The following IGSF5 variants were observed in gnomAD, a reference collection of about 807,000 sequenced individuals.
The protein encoded by IGSF5 is immunoglobulin superfamily 5 like.
A neutral mutation model predicts 39.4 loss-of-function variants in IGSF5; 41 were observed. The observed-to-expected ratio is 1.04, with a 90% confidence interval of 0.81 to 1.35. IGSF5 has a LOEUF of 1.35. Among genes scored for constraint, IGSF5 ranks in the 40% most tolerant of loss-of-function variants. The probability of loss-of-function intolerance (pLI) is 0.00; values close to 1 mark genes in which losing one functional copy is unlikely to be tolerated. For synonymous variants in IGSF5, 183 were observed against 175.3 expected, an observed-to-expected ratio of 1.04 and a Z score of -0.34; for missense variants, 487 against 494.6, an observed-to-expected ratio of 0.98 and a Z score of 0.15.
At chr21:39,746,342 A>G (rs2079974736) in intron 2 of IGSF5, 44 bp downstream of exon 2, 1 of 696,504 alleles carries the variant, frequency 1.4e-6, no homozygotes, top group African/African-American at 1.7e-5. Flanking sequence ...ACGGACCAGA[A>G]GAGTGCAGTT....
At chr21:39,788,468 A>C (rs934066442) in intron 6 of IGSF5, among the ~76,000 whole-genome samples, 1 of 152,218 alleles carries the variant, frequency 6.6e-6, no homozygotes, top group Non-Finnish European at 1.5e-5. Flanking sequence ...TGGCATTTGC[A>C]GCTCTTTCCA....
intron 4 of IGSF5, among the ~76,000 whole-genome samples, chr21:39,775,280 T>C (rs1162153749): frequency 6.6e-6 from 1 of 152,170 alleles, no homozygotes; most frequent in Admixed American, 6.5e-5. Context: ...GCAAATTACT[T>C]ACCCTCTCTG....
intron 5 of IGSF5, among the ~76,000 whole-genome samples, chr21:39,786,666 T>G (rs1339635685): frequency 6.6e-6 from 1 of 152,002 alleles, no homozygotes; most frequent in Non-Finnish European, 1.5e-5. Context: ...CACGTATGTT[T>G]ATTGTGGCAT....
chr21:39,734,422 C>CAAA, the IGSF5 span, among the ~76,000 whole-genome samples: 5 of 96,362 alleles, frequency 5.2e-5, no homozygotes, highest in African/African-American at 2.2e-4. Flanking sequence ...GACTCTGTCT[C>CAAA]AAAAAAAAAA....
chr21:39,765,097 A>T (rs1362104494), intron 2 of IGSF5, among the ~76,000 whole-genome samples: 1 of 151,940 alleles, frequency 6.6e-6, no homozygotes, highest in Non-Finnish European at 1.5e-5. Flanking sequence ...TCCTCACATG[A>T]TGTTCTTCTC....
intron 4 of IGSF5, among the ~76,000 whole-genome samples, chr21:39,774,819 G>A (rs1601133490): frequency 6.6e-6 from 1 of 152,352 alleles, no homozygotes; most frequent in East Asian, 1.9e-4. Context: ...TTGAGAAATG[G>A]CAATTTTGGG....
chr21:39,797,964 G>A (rs73904443), intron 8 of IGSF5, among the ~76,000 whole-genome samples: 13,209 of 151,652 alleles, frequency 0.087, 610 homozygotes, highest in South Asian at 0.16. Context: ...GCCTTTCCAC[G>A]CCTTTGTGAT....
Position 39,792,071 on chromosome 21 carries a change from C to A in IGSF5, c.1020C>A (p.Gly340=). The A allele has an allele frequency of 6.2e-7, 1 of 1,610,540 alleles. No individual in the cohort carries two copies. The part of the protein sequence containing the change: ...TETESGNENS[G]YNSDEQKTTD... Reference sequence around the variant, plus strand: ...CAGAAAGTGGAAATGAAAACTCCGGCTACAATTCAGATGAACAAAAGACCA... The same window carrying A: ...CAGAAAGTGGAAATGAAAACTCCGGATACAATTCAGATGAACAAAAGACCA... Residue 340 remains glycine, a synonymous_variant, in exon 7 of 9, where the codon GGC becomes GGA. Transcript: ENST00000380588.
At chr21:39,746,180 T>G (rs2079973553) in intron 1 of IGSF5, 36 bp from the exon 2 acceptor site, 1 of 701,458 alleles carries the variant, frequency 1.4e-6, no homozygotes. Context: ...GCCTTTAGCC[T>G]GATTGGAAGT....
chr21:39,796,887 G>A (rs2086999029), intron 8 of IGSF5, among the ~76,000 whole-genome samples: 1 of 152,230 alleles, frequency 6.6e-6, no homozygotes. Flanking sequence ...AGGCACAACA[G>A]CAACTAAAGC....
intron 5 of IGSF5, among the ~76,000 whole-genome samples, chr21:39,785,785 C>T (rs982039522): frequency 6.6e-6 from 1 of 151,804 alleles, no homozygotes; most frequent in Non-Finnish European, 1.5e-5. Context: ...CCCTTGTAAG[C>T]TGGATTCCTA....
intron 5 of IGSF5, among the ~76,000 whole-genome samples, chr21:39,783,927 A>G (rs2080184193): frequency 6.6e-6 from 1 of 152,164 alleles, no homozygotes. Context: ...GGTAAGAGAT[A>G]GGGGCCTAAT....
At chr21:39,779,418 T>G in intron 5 of IGSF5, 113 bp downstream of exon 5, 1 of 1,305,062 alleles carries the variant, frequency 7.7e-7, no homozygotes, top group Non-Finnish European at 1.0e-6. Context: ...CAATATCACT[T>G]TACCTCTATT....
the IGSF5 span, among the ~76,000 whole-genome samples, chr21:39,736,821 A>G: frequency 6.6e-6 from 1 of 152,194 alleles, no homozygotes; most frequent in African/African-American, 2.4e-5. Flanking sequence ...GCTGAGGCTG[A>G]GGCCGGGCAT....
At chr21:39,780,463 T>C (rs2080164642) in intron 5 of IGSF5, among the ~76,000 whole-genome samples, 1 of 152,230 alleles carries the variant, frequency 6.6e-6, no homozygotes, top group South Asian at 2.1e-4. Context: ...GCTATTATAA[T>C]GTCATTTAGA....
chr21:39,747,953 A>C (rs554803724), intron 2 of IGSF5, among the ~76,000 whole-genome samples: 2 of 127,678 alleles, frequency 1.6e-5, no homozygotes, highest in Non-Finnish European at 3.0e-5. Context: ...AAAAAAAAAC[A>C]ACCGATTCCT....
the IGSF5 span, chr21:39,726,033 C>T: frequency 2.0e-5 from 3 of 152,168 alleles, no homozygotes; most frequent in Non-Finnish European, 4.4e-5. Flanking sequence ...TGTGTGAAGT[C>T]TCTGTCTGCC....
intron 7 of IGSF5, among the ~76,000 whole-genome samples, chr21:39,792,919 A>G (rs2086973892): frequency 6.6e-6 from 1 of 152,192 alleles, no homozygotes; most frequent in Non-Finnish European, 1.5e-5. Context: ...ACCAAATTCC[A>G]TGGGAAGGTT....
At chr21:39,726,949 G>A in the IGSF5 span, among the ~76,000 whole-genome samples, 1 of 152,178 alleles carries the variant, frequency 6.6e-6, no homozygotes, top group African/African-American at 2.4e-5. Context: ...CAATGGAAAG[G>A]CCATTGATGG....
Sources: allele counts gnomAD v4.1 joint callset (sites outside exome capture counted in the v4.1 genomes callset), GRCh38; gene constraint gnomAD v4.1.1; transcripts MANE v1.5; gene names NCBI Gene and HGNC (gene_info 2026-07-23, HGNC 2026-07-21).